The following SUN3 variants were observed in gnomAD, a reference collection of about 807,000 sequenced individuals.
The protein encoded by SUN3 is SUN domain-containing protein 3.
In SUN3, 36 loss-of-function variants were observed where a neutral mutation model predicts 48.2. That is an observed-to-expected ratio of 0.75 (90% CI 0.57 to 0.99). The LOEUF (loss-of-function observed/expected upper bound fraction) is 0.99. Among genes scored for constraint, SUN3 ranks in the 50% least tolerant of loss-of-function variants. The pLI is 0.00. For missense variants in SUN3, 419 were observed against 433.1 expected (o/e 0.97, Z 0.29); for synonymous variants, 148 against 147.9 (o/e 1.00, Z 0.00).
At chr7:47,991,330 T>C (rs1462494882) in intron 8 of SUN3, among the ~76,000 whole-genome samples, 1 of 152,218 alleles carries the variant, frequency 6.6e-6, no homozygotes, top group Non-Finnish European at 1.5e-5. Flanking sequence ...TCACCCATAA[T>C]TTGTCTAAAT....
At chr7:47,999,156 CTTT>C (rs1789291286) in intron 6 of SUN3, among the ~76,000 whole-genome samples, 1 of 152,096 alleles carries the variant, frequency 6.6e-6, no homozygotes, top group African/African-American at 2.4e-5. Flanking sequence ...TTATTTAAAT[CTTT>C]TTTATTTATT....
At chr7:48,007,359 G>T (rs1304670412) in intron 4 of SUN3, 32 bp from the exon 5 acceptor site, 1 of 1,602,602 alleles carries the variant, frequency 6.2e-7, no homozygotes, top group East Asian at 2.2e-5. Flanking sequence ...ATGAGAGGAA[G>T]AAAGTGTAAA....
chr7:47,994,227 C>A, intron 8 of SUN3, 88 bp downstream of exon 8: 1 of 1,211,582 alleles, frequency 8.3e-7, no homozygotes, highest in Non-Finnish European at 1.2e-6. Context: ...AACTAGTTAT[C>A]TGTCCTAGTT....
Position 47,987,285 on chromosome 7 carries a change from C to A in SUN3, c.*45G>T. On this transcript the variant is annotated 3_prime_UTR_variant, in exon 10 of 10. Transcript: ENST00000297325. ...GGTATCATCTAAGAGAATAAGCATT[C>A]TTGAATATTCTGGACATGTGGCATG... The A allele has an allele frequency of 6.3e-7, 1 of 1,583,814 alleles. No individual in the cohort carries two copies. Among genetic ancestry groups the A allele is most frequent in the Non-Finnish European group, 8.6e-7 (1 of 1,166,288 alleles).
At chr7:47,999,460 ACT>A (rs767093136) in intron 6 of SUN3, among the ~76,000 whole-genome samples, 4 of 147,742 alleles carry the variant, frequency 2.7e-5, no homozygotes, top group Non-Finnish European at 4.5e-5. Flanking sequence ...TGCCTTTCGT[ACT>A]CTCTTTCTCT....
At chr7:48,000,439 A>T (rs1212098649) in intron 6 of SUN3, among the ~76,000 whole-genome samples, 1 of 152,174 alleles carries the variant, frequency 6.6e-6, no homozygotes, top group African/African-American at 2.4e-5. Flanking sequence ...GTGCCGGGCC[A>T]CCTCATCTTT....
intron 4 of SUN3, among the ~76,000 whole-genome samples, chr7:48,007,909 C>T (rs573277984): frequency 8.5e-4 from 129 of 151,762 alleles, no homozygotes; most frequent in Non-Finnish European, 1.3e-3. Flanking sequence ...CTGCAACCTC[C>T]GCCTCCCGGG....
chr7:48,004,522 C>G (rs1329965721), intron 6 of SUN3, among the ~76,000 whole-genome samples: 1 of 152,344 alleles, frequency 6.6e-6, no homozygotes, highest in East Asian at 1.9e-4. Context: ...AAAGCCTCCA[C>G]TTTGCTGTTT....
upstream of SUN3, chr7:48,029,178 G>A (rs1463900038): frequency 8.2e-6 from 4 of 485,306 alleles, 1 homozygote; most frequent in Non-Finnish European, 1.5e-5. Flanking sequence ...CCAGGGCATG[G>A]ACAGGCAACC....
chr7:47,999,829 C>T (rs1479434108), intron 6 of SUN3, among the ~76,000 whole-genome samples: 1 of 152,266 alleles, frequency 6.6e-6, no homozygotes, highest in African/African-American at 2.4e-5. Context: ...GCCACTGTGC[C>T]TGGCCTCCAT....
chr7:48,025,722 A>C (rs570376686), intron 2 of SUN3, among the ~76,000 whole-genome samples, 155 bp downstream of exon 2: 1 of 152,252 alleles, frequency 6.6e-6, no homozygotes, highest in Non-Finnish European at 1.5e-5. Context: ...ATCAGAAATA[A>C]AAAACAAACG....
chr7:47,989,776 C>T (rs1331847292), intron 8 of SUN3, among the ~76,000 whole-genome samples: 2 of 152,156 alleles, frequency 1.3e-5, no homozygotes, highest in African/African-American at 4.8e-5. Context: ...AATTCTTCTA[C>T]CTTGAGATGC....
intron 6 of SUN3, among the ~76,000 whole-genome samples, chr7:48,000,726 T>A (rs1002460781): frequency 4.0e-5 from 5 of 125,900 alleles, no homozygotes; most frequent in African/African-American, 1.6e-4. Flanking sequence ...AAATCTGTAA[T>A]AATGTGTAGT....
intron 5 of SUN3, 125 bp downstream of exon 5, chr7:48,007,040 C>A (rs1789541890): frequency 5.3e-6 from 5 of 949,088 alleles, no homozygotes; most frequent in African/African-American, 1.7e-5. Context: ...TCAGTCAACA[C>A]TGGACTTCCC....
chr7:48,035,403 CT>C, the SUN3 span: 1 of 648,600 alleles, frequency 1.5e-6, no homozygotes, highest in Non-Finnish European at 2.8e-6. This position sits in a 1 kb window ranked among gnomAD's most constrained non-coding sequence, Gnocchi z 4.0. Context: ...CCGCGCTCCG[CT>C]TCCTGCCCTG....
At chr7:47,998,242 G>A (rs895919224) in intron 6 of SUN3, among the ~76,000 whole-genome samples, 8 of 152,086 alleles carry the variant, frequency 5.3e-5, no homozygotes, top group Non-Finnish European at 8.8e-5. Context: ...TAGTATGGTC[G>A]GTTTTGTTTT....
chr7:48,034,604 T>C, the SUN3 span, among the ~76,000 whole-genome samples: 3 of 152,194 alleles, frequency 2.0e-5, no homozygotes, highest in African/African-American at 7.2e-5. Context: ...TTGCCAGGGT[T>C]GTATAGGGCT....
intron 2 of SUN3, among the ~76,000 whole-genome samples, chr7:48,017,745 T>A (rs1293602025): frequency 6.6e-6 from 1 of 152,224 alleles, no homozygotes; most frequent in Non-Finnish European, 1.5e-5. Flanking sequence ...CATTTCACAT[T>A]CCTTTAATAT....
At chr7:48,030,342 C>G (rs1244455054), upstream of SUN3, among the ~76,000 whole-genome samples, 1 of 152,200 alleles carries the variant, frequency 6.6e-6, no homozygotes, top group South Asian at 2.1e-4. Context: ...TGGTACACAG[C>G]AAATATGGCC....
Sources: gnomAD v4.1 joint callset for allele counts (sites outside exome capture counted in the v4.1 genomes callset) on GRCh38, gnomAD v4.1.1 for gene constraint, Gnocchi (gnomAD v3.1) non-coding constraint, MANE v1.5 for transcripts, NCBI Gene and HGNC (gene_info 2026-07-23, HGNC 2026-07-21) for gene names.